Variants in LAPTM4B observed in about 807,000 individuals in gnomAD.
LAPTM4B encodes the protein lysosomal-associated transmembrane protein 4B.
LAPTM4B carries 26 observed loss-of-function variants against 28.5 expected under a neutral mutation model. The observed-to-expected ratio is 0.91, with a 90% CI of 0.67 to 1.27. The LOEUF (loss-of-function observed/expected upper bound fraction) is 1.27, where lower values mean the gene tolerates loss of function less well. Among genes scored for constraint, LAPTM4B ranks in the 50% most tolerant of loss-of-function variants. The probability of loss-of-function intolerance (pLI) is 0.00; values close to 1 mark genes in which losing one functional copy is unlikely to be tolerated. For synonymous variants in LAPTM4B, 109 were observed against 106.4 expected, an observed-to-expected ratio of 1.02 and a Z score of -0.15; for missense variants, 288 against 285.8, an observed-to-expected ratio of 1.01 and a Z score of -0.06.
intron 1 of LAPTM4B, among the ~76,000 whole-genome samples, chr8:97,793,874 A>G (rs1181449777): frequency 2.0e-5 from 3 of 152,098 alleles, no homozygotes; most frequent in East Asian, 3.9e-4. Flanking sequence ...TGGCACCATC[A>G]TAGCTCACTG....
At chr8:97,850,140 C>G (rs918238158) in intron 6 of LAPTM4B, among the ~76,000 whole-genome samples, 3 of 151,918 alleles carry the variant, frequency 2.0e-5, no homozygotes, top group African/African-American at 7.3e-5. Context: ...CATTAGTGCT[C>G]TTTCCCCGCC....
chr8:97,852,930 C>A lies in LAPTM4B; in HGVS notation c.*1456C>A. ...GAACAATCCGTGGAGAATAAATTAC[C>A]ATTGGTGTGGGGGAAAAAAGCCAAA... On this transcript the variant is annotated 3_prime_UTR_variant, in exon 7 of 7. Coordinates refer to ENST00000521545, the MANE Select transcript of LAPTM4B (RefSeq NM_018407.6). The A allele has an allele frequency of 4.4e-6, 2 of 454,044 alleles. No individual in the cohort carries two copies. The highest frequency in any genetic ancestry group is 3.9e-6 in the Non-Finnish European group (1 of 255,740). 28.1% of individuals were successfully genotyped at this position (454,044 alleles called of 1,614,324 possible).
At chr8:97,778,038 CCAGA>C (rs1000461779) in intron 1 of LAPTM4B, among the ~76,000 whole-genome samples, 1 of 152,152 alleles carries the variant, frequency 6.6e-6, no homozygotes, top group East Asian at 1.9e-4. Context: ...TGTAATCCAA[CCAGA>C]CAGTGTAGGT....
chr8:97,796,176 A>G (rs1816579925), intron 1 of LAPTM4B, among the ~76,000 whole-genome samples: 2 of 152,232 alleles, frequency 1.3e-5, no homozygotes, highest in Admixed American at 6.5e-5. Context: ...CCTGACCTCA[A>G]GTGATCTACC....
chr8:97,824,614 A>G (rs2129812476), intron 5 of LAPTM4B, among the ~76,000 whole-genome samples: 1 of 152,348 alleles, frequency 6.6e-6, no homozygotes, highest in South Asian at 2.1e-4. Context: ...AAAAAAATCG[A>G]CTTGTGTAAT....
At chr8:97,843,848 G>C (rs1817389974) in intron 6 of LAPTM4B, among the ~76,000 whole-genome samples, 1 of 152,010 alleles carries the variant, frequency 6.6e-6, no homozygotes, top group African/African-American at 2.4e-5. Flanking sequence ...CTAAAGTCTT[G>C]AAGAATAGTA....
chr8:97,792,525 G>A (rs1272513055), intron 1 of LAPTM4B, among the ~76,000 whole-genome samples: 1 of 152,132 alleles, frequency 6.6e-6, no homozygotes, highest in Non-Finnish European at 1.5e-5. Context: ...AAAGTGCTGG[G>A]ATTACAGGTG....
chr8:97,852,044 C>A lies in LAPTM4B; in HGVS notation c.*570C>A, dbSNP rs11548138. 9.1e-3 allele frequency: 1,414 copies of A among 154,872 alleles called. 10 individuals carry two copies. The highest frequency in any genetic ancestry group is 0.02 in the Middle Eastern group (6 of 300). 9.6% of individuals were successfully genotyped at this position (154,872 alleles called of 1,614,324 possible). ...TGGTGGTAAAGGATTTTCTCCATGG[C>A]CTGAATTAAGACCATTAGAAAGCAC... On this transcript the variant is annotated 3_prime_UTR_variant, in exon 7 of 7. Coordinates refer to ENST00000521545, the MANE Select transcript of LAPTM4B (RefSeq NM_018407.6).
At chr8:97,792,687 C>T (rs1003406050) in intron 1 of LAPTM4B, among the ~76,000 whole-genome samples, 1 of 152,052 alleles carries the variant, frequency 6.6e-6, no homozygotes, top group African/African-American at 2.4e-5. Context: ...CCAAGTGATT[C>T]TTCTGTTTCA....
intron 6 of LAPTM4B, among the ~76,000 whole-genome samples, chr8:97,834,528 T>C (rs950953379): frequency 6.7e-6 from 1 of 148,758 alleles, no homozygotes. Context: ...GGTTTCTGAG[T>C]CTTTTGACAT....
At chr8:97,844,192 A>G (rs1817395520) in intron 6 of LAPTM4B, among the ~76,000 whole-genome samples, 1 of 152,034 alleles carries the variant, frequency 6.6e-6, no homozygotes, top group Non-Finnish European at 1.5e-5. Flanking sequence ...TCCAGGGCTC[A>G]AGTGATCCTC....
At chr8:97,825,682 A>G (rs1817081052) in intron 6 of LAPTM4B, among the ~76,000 whole-genome samples, 1 of 152,250 alleles carries the variant, frequency 6.6e-6, no homozygotes, top group South Asian at 2.1e-4. Flanking sequence ...CAAACCTGTC[A>G]TAAAAGATTT....
chr8:97,816,564 T>C (rs915242580), intron 4 of LAPTM4B, among the ~76,000 whole-genome samples: 1 of 152,200 alleles, frequency 6.6e-6, no homozygotes, highest in Non-Finnish European at 1.5e-5. Flanking sequence ...CCCAAAGTGC[T>C]GGGATTATGG....
intron 1 of LAPTM4B, among the ~76,000 whole-genome samples, chr8:97,776,374 T>G (rs1816215613): frequency 6.6e-6 from 1 of 152,118 alleles, no homozygotes; most frequent in Non-Finnish European, 1.5e-5. Context: ...GTGGTGTGGG[T>G]CGCCGATCTC....
intron 2 of LAPTM4B, among the ~76,000 whole-genome samples, chr8:97,812,394 A>G (rs768354699): frequency 1.3e-4 from 19 of 151,750 alleles, no homozygotes; most frequent in Non-Finnish European, 2.1e-4. Context: ...TTTAGTAGAG[A>G]CAGGGTTTCA....
chr8:97,784,500 T>C (rs2438208), intron 1 of LAPTM4B, among the ~76,000 whole-genome samples: 109,625 of 152,066 alleles, frequency 0.72, 40,834 homozygotes, highest in African/African-American at 0.92. Flanking sequence ...AGTGCAGTGG[T>C]GGGATCTCCA....
intron 6 of LAPTM4B, among the ~76,000 whole-genome samples, chr8:97,844,504 C>T (rs1403373794): frequency 6.6e-6 from 1 of 152,190 alleles, no homozygotes; most frequent in African/African-American, 2.4e-5. Flanking sequence ...CCTGAAACAG[C>T]TTGCATCCTA....
intron 6 of LAPTM4B, among the ~76,000 whole-genome samples, chr8:97,839,978 C>T (rs1049155752): frequency 6.6e-6 from 1 of 152,124 alleles, no homozygotes; most frequent in Non-Finnish European, 1.5e-5. Flanking sequence ...CCCTGCATCC[C>T]TCCTTTTTCA....
chr8:97,805,463 C>G lies in LAPTM4B; in HGVS notation c.210C>G (p.Ala70=), dbSNP rs757598970. The change falls in exon 2 of 7, where the codon GCC becomes GCG. Residue 70 remains alanine (A), a splice_region_variant and synonymous_variant. Transcript: ENST00000521545. ...LGGDFEFMDD[A]NMCIAIAISL... ...GTGACTTTGAGTTCATGGATGATGC[C>G]AGTAAGTAGTAGATATTTGGGTATT... The G allele has an allele frequency of 6.5e-7, 1 of 1,549,416 alleles. No homozygotes were observed. Among genetic ancestry groups the G allele is most frequent in the Non-Finnish European group, 8.9e-7 (1 of 1,122,378 alleles).
Sources: gnomAD v4.1 joint callset for allele counts (sites outside exome capture counted in the v4.1 genomes callset) on GRCh38, gnomAD v4.1.1 for gene constraint, MANE v1.5 for transcripts, NCBI Gene and HGNC (gene_info 2026-07-23, HGNC 2026-07-21) for gene names.